LPP: variants seen among roughly 807,000 people sequenced by gnomAD.
LPP encodes LIM domain containing preferred translocation partner in lipoma, also known as lipoma-preferred partner.
In LPP, 38 loss-of-function variants were observed where a neutral mutation model predicts 60.4. That is an observed-to-expected ratio of 0.63 (90% CI 0.49 to 0.83). LPP has a LOEUF of 0.83. Ranked by LOEUF, LPP falls within the 40% of genes least tolerant of loss-of-function variation. The pLI is 0.00. For synonymous variants in LPP, 328 were observed against 290.8 expected (o/e 1.13, Z -1.30); for missense variants, 902 against 783.6 (o/e 1.15, Z -1.80).
At chr3:188,624,546 TG>T (rs1846396703) in intron 7 of LPP, among the ~76,000 whole-genome samples, 1 of 152,302 alleles carries the variant, frequency 6.6e-6, no homozygotes, top group East Asian at 1.9e-4. Flanking sequence ...AAGCCATATT[TG>T]GGAGAACCAT....
chr3:188,592,930 T>C (rs1430813519), intron 6 of LPP, among the ~76,000 whole-genome samples: 1 of 152,168 alleles, frequency 6.6e-6, no homozygotes, highest in African/African-American at 2.4e-5. Context: ...TTATTTTATT[T>C]AAACATTATT....
intron 4 of LPP, among the ~76,000 whole-genome samples, chr3:188,408,969 T>C (rs749437071): frequency 5.3e-5 from 8 of 152,216 alleles, no homozygotes; most frequent in Admixed American, 1.3e-4. Flanking sequence ...TGCTTCCTCA[T>C]TGAAGCAACA....
chr3:188,784,653 TC>T (rs1741025313), intron 9 of LPP, among the ~76,000 whole-genome samples: 1 of 8,404 alleles, frequency 1.2e-4, no homozygotes, highest in African/African-American at 6.0e-4. Flanking sequence ...ATATATATAT[TC>T]CATCATATAT....
Position 188,886,744 on chromosome 3 carries a change from A to G in LPP, c.*12265A>G. ...AACACACACACACACACATACACAC[A>G]CACACACACACACACACACACCCCT... On this transcript the variant is annotated 3_prime_UTR_variant, in exon 12 of 12. Coordinates refer to ENST00000617246, the MANE Select transcript of LPP (RefSeq NM_001375462.1). The G allele has an allele frequency of 4.4e-6, 1 of 229,198 alleles. No individual in the cohort carries two copies. Among genetic ancestry groups the G allele is most frequent in the Admixed American group, 5.7e-5 (1 of 17,514 alleles). 14.2% of individuals were successfully genotyped at this position (229,198 alleles called of 1,614,324 possible). A position where few individuals can be genotyped will look rare whatever the true frequency, so the allele number is the denominator to read the frequency against.
At chr3:188,588,412 T>C (rs1313069044) in intron 6 of LPP, among the ~76,000 whole-genome samples, 1 of 152,232 alleles carries the variant, frequency 6.6e-6, no homozygotes, top group East Asian at 1.9e-4. Context: ...CAACTAAAAT[T>C]AAAGGTAGAT....
intron 3 of LPP, among the ~76,000 whole-genome samples, chr3:188,358,679 G>T (rs916445333): frequency 6.6e-6 from 1 of 151,506 alleles, no homozygotes; most frequent in Non-Finnish European, 1.5e-5. Flanking sequence ...AAGAGTGTGC[G>T]CTGAGAAGTG....
At chr3:188,427,680 T>C (rs1014278523) in intron 4 of LPP, among the ~76,000 whole-genome samples, 4 of 152,162 alleles carry the variant, frequency 2.6e-5, no homozygotes, top group Non-Finnish European at 4.4e-5. Flanking sequence ...CTTTGTCCTG[T>C]TCTAACTTCC....
At chr3:188,272,328 T>A (rs976197127) in intron 2 of LPP, among the ~76,000 whole-genome samples, 1 of 152,188 alleles carries the variant, frequency 6.6e-6, no homozygotes, top group Non-Finnish European at 1.5e-5. Flanking sequence ...ACTGAGCTCA[T>A]CAACTTGTAA....
At chr3:188,816,267 T>A (rs908629295) in intron 9 of LPP, among the ~76,000 whole-genome samples, 2 of 146,844 alleles carry the variant, frequency 1.4e-5, no homozygotes, top group Non-Finnish European at 3.0e-5. Context: ...GGTGGCACGA[T>A]CTTGGCTCAC....
At chr3:188,246,721 A>G (rs959251942) in intron 2 of LPP, among the ~76,000 whole-genome samples, 2 of 152,242 alleles carry the variant, frequency 1.3e-5, no homozygotes, top group African/African-American at 4.8e-5. Flanking sequence ...GTAGGGACTC[A>G]GATGATTATT....
At chr3:188,729,731 C>T (rs939648707) in intron 8 of LPP, among the ~76,000 whole-genome samples, 1 of 151,868 alleles carries the variant, frequency 6.6e-6, no homozygotes, top group African/African-American at 2.4e-5. Context: ...AATCCCAGCC[C>T]TTTGGGAGGC....
intron 9 of LPP, among the ~76,000 whole-genome samples, chr3:188,852,340 T>C (rs1762860881): frequency 6.6e-6 from 1 of 152,170 alleles, no homozygotes; most frequent in Non-Finnish European, 1.5e-5. Flanking sequence ...GGTATCTCCC[T>C]CTATCTGCAT....
Position 188,804,951 on chromosome 3 carries a change from GATA to G in LPP, c.1410+44674_1410+44676del, listed in dbSNP as rs1748628111. Among the ~76,000 whole-genome samples the G allele has an allele frequency of 2.6e-5, 4 of 152,002 alleles. No homozygotes were observed. The South Asian group carries it at 8.3e-4, about 31-fold the overall frequency. On this transcript the variant is annotated intron_variant, in intron 9 of 11. Transcript: ENST00000617246. ...ATTGCCTTTAGACATAAGTTGGTATGATAATAAGACTTTTGTTCTACAGCTGGT... is the reference window on the plus strand; with the variant it reads ...ATTGCCTTTAGACATAAGTTGGTATGATAAGACTTTTGTTCTACAGCTGGT...
At chr3:188,259,115 T>G (rs908256127) in intron 2 of LPP, among the ~76,000 whole-genome samples, 1 of 152,186 alleles carries the variant, frequency 6.6e-6, no homozygotes. Flanking sequence ...ATAATTTTAC[T>G]CCAGAACATA....
chr3:188,248,468 T>TTATATATATAGTTATATATATATATA (rs528762603), intron 2 of LPP, among the ~76,000 whole-genome samples: 19 of 84,156 alleles, frequency 2.3e-4, no homozygotes, highest in South Asian at 1.3e-3. Flanking sequence ...CAGTATAACT[T>TTATATATATAGTTATATATATATATA]TATATATATA....
chr3:188,199,898 A>T (rs954757977), intron 1 of LPP, among the ~76,000 whole-genome samples: 13 of 151,686 alleles, frequency 8.6e-5, no homozygotes, highest in Non-Finnish European at 1.8e-4. Flanking sequence ...TATTTTTAGT[A>T]GAGACGGGGT....
chr3:188,212,432 A>G (rs779553166), intron 1 of LPP, among the ~76,000 whole-genome samples: 26 of 151,910 alleles, frequency 1.7e-4, no homozygotes, highest in Non-Finnish European at 3.4e-4. Flanking sequence ...TTAATAATTT[A>G]CTCCGAGTAA....
intron 2 of LPP, among the ~76,000 whole-genome samples, chr3:188,329,375 A>G (rs903002407): frequency 6.6e-6 from 1 of 152,230 alleles, no homozygotes; most frequent in African/African-American, 2.4e-5. Context: ...TGACAAATAT[A>G]TATAGTTTGT....
chr3:188,753,814 CAA>C (rs1240123275), intron 8 of LPP, among the ~76,000 whole-genome samples: 8 of 151,738 alleles, frequency 5.3e-5, no homozygotes, highest in Non-Finnish European at 7.4e-5. Context: ...GAGGGAAAAA[CAA>C]GAGAGAGGGA....
Sources: gnomAD v4.1 joint callset for allele counts (sites outside exome capture counted in the v4.1 genomes callset) on GRCh38, gnomAD v4.1.1 for gene constraint, MANE v1.5 for transcripts, NCBI Gene and HGNC (gene_info 2026-07-23, HGNC 2026-07-21) for gene names.